Variants in ZFC3H1 observed in about 807,000 individuals in gnomAD.
The protein encoded by ZFC3H1 is zinc finger C3H1 domain-containing protein.
ZFC3H1 carries 71 observed loss-of-function variants against 243.7 expected under a neutral mutation model. That is an observed-to-expected ratio of 0.29 (90% confidence interval 0.24 to 0.36). The LOEUF (loss-of-function observed/expected upper bound fraction) is 0.36, where lower values mean the gene tolerates loss of function less well. Among genes scored for constraint, ZFC3H1 ranks in the 10% least tolerant of loss-of-function variants. The pLI is 1.00. For synonymous variants in ZFC3H1, 838 were observed against 813.0 expected (o/e 1.03, Z -0.52); for missense variants, 1,966 against 2,317.1 (o/e 0.85, Z 3.11).
intron 2 of ZFC3H1, 102 bp from the exon 3 acceptor site, chr12:71,647,915 T>C (rs1290086498): frequency 4.5e-6 from 2 of 442,860 alleles, no homozygotes; most frequent in East Asian, 3.9e-5. Context: ...AAAGAGATCA[T>C]TAAAGGGTCT....
chr12:71,610,485 G>A lies in ZFC3H1; in HGVS notation c.5913C>T (p.Val1971=), dbSNP rs1368444141. ...TTAAATTTAAGAGCTCATTTAGGCT[G>A]ACTCCAATCTCTTGGCACTTGGAAA... is the stretch of plus-strand genomic sequence containing the variant. ...KLVSKCQEIG[V]SLNELLNLNS... The change falls in exon 35 of 35, where the codon GTC becomes GTT. Residue 1971 remains valine (V), a synonymous_variant. Transcript: ENST00000378743. The A allele has an allele frequency of 6.2e-7, 1 of 1,613,472 alleles. No homozygotes were observed. The highest frequency in any genetic ancestry group is 8.5e-7 in the Non-Finnish European group (1 of 1,179,642).
At position 71,632,361 on chromosome 12, in the gene ZFC3H1, C is replaced by T; in HGVS notation, c.2971G>A (p.Ala991Thr). ...GGAGAGATATTTTGTTGTTCCTTTG[C>T]TTTAAGGGCACGGGCTTCTTTTAAT... The part of the protein sequence containing the change: ...QKLKEARALK[A>T]KEQQNISPVV... The change falls in exon 15 of 35, where the codon GCA (alanine) becomes ACA (threonine). Residue 991 changes from alanine to threonine, a missense_variant. Around this residue, in one of 4 missense-constraint regions of ZFC3H1, gnomAD observed 1,383 missense variants for 1,723.7 expected, o/e 0.80. Coordinates refer to ENST00000378743, the MANE Select transcript of ZFC3H1 (RefSeq NM_144982.5). The T allele has an allele frequency of 2.5e-6, 4 of 1,613,650 alleles. No individual in the cohort carries two copies. The highest frequency in any genetic ancestry group is 2.5e-6 in the Non-Finnish European group (3 of 1,179,840).
At position 71,656,944 on chromosome 12, in the gene ZFC3H1, T is replaced by C. The variant is rs1210406062; in HGVS notation, c.956A>G (p.Lys319Arg). 4 of 1,613,836 alleles carry C rather than the reference T, an allele frequency of 2.5e-6. No homozygotes were observed. The highest frequency in any genetic ancestry group is 3.4e-6 in the Non-Finnish European group (4 of 1,179,888). The change falls in exon 2 of 35, where the codon AAA becomes AGA. Residue 319 changes from lysine (K) to arginine (R), a missense_variant. Around this residue, in one of 4 missense-constraint regions of ZFC3H1, gnomAD observed 484 missense variants for 449.7 expected, o/e 1.08. Transcript: ENST00000378743. ...AAGTGGTTTTGCTCCATCTTTAACT[T>C]TTTTCAAACGGTTCTTATCTCCTGG... ...TLPGDKNRLK[K>R]VKDGAKPLSL...
chr12:71,637,984 C>T (rs575349915), intron 7 of ZFC3H1, among the ~76,000 whole-genome samples: 1 of 151,942 alleles, frequency 6.6e-6, no homozygotes, highest in East Asian at 1.9e-4. Context: ...ATAGAAAATG[C>T]TTTTCTTTTG....
At chr12:71,621,141 CTCATT>C (rs528364677) in intron 24 of ZFC3H1, among the ~76,000 whole-genome samples, 1 of 152,234 alleles carries the variant, frequency 6.6e-6, no homozygotes, top group South Asian at 2.1e-4. Flanking sequence ...GCTCTTAAAT[CTCATT>C]TCCTCAGAAA....
Position 71,610,710 on chromosome 12 carries a change from T to C in ZFC3H1, c.5817A>G (p.Ala1939=), listed in dbSNP as rs769012731. ...QRALQKLPLC[A]SLWKDQLLFE... ...AAAGCATTACATCTTTCCACAGTGA[T>C]GCACAAAGAGGTAACTTCTGTAAGG... The change falls in exon 34 of 35, where the codon GCA becomes GCG. Residue 1939 remains alanine, a synonymous_variant. Coordinates refer to ENST00000378743, the MANE Select transcript of ZFC3H1 (RefSeq NM_144982.5). The C allele has an allele frequency of 1.8e-5, 29 of 1,613,254 alleles. No individual in the cohort carries two copies. In the Admixed American group the frequency reaches 4.7e-4, roughly 26 times the overall value.
chr12:71,612,228 TTTTC>T (rs149214504), intron 31 of ZFC3H1, among the ~76,000 whole-genome samples: 8,809 of 152,088 alleles, frequency 0.058, 352 homozygotes, highest in South Asian at 0.087. Flanking sequence ...TTCCTGGTAT[TTTTC>T]TTTCTTAGAG....
rs369273344 is a variant in ZFC3H1, at chr12:71,610,751, G to A, written c.5776C>T (p.Arg1926Cys). ...IVLKGQREVH[R>C]LYQRALQKLP... Reference sequence around the variant, plus strand: ...TTCTGTAAGGCTCTCTGATATAAACGGTGGACCTGTAAGATAGATATACAC... The same window carrying A: ...TTCTGTAAGGCTCTCTGATATAAACAGTGGACCTGTAAGATAGATATACAC... Residue 1926 changes from arginine to cysteine, a missense_variant, in exon 34 of 35, where the codon CGT (arginine) becomes TGT (cysteine). By Grantham distance (180) the Arg-to-Cys change is radical. Around this residue, in one of 4 missense-constraint regions of ZFC3H1, gnomAD observed 1,383 missense variants for 1,723.7 expected, o/e 0.80. Coordinates refer to ENST00000378743, the MANE Select transcript of ZFC3H1 (RefSeq NM_144982.5). 162 of 1,612,626 alleles carry A rather than the reference G, an allele frequency of 1.0e-4. No homozygotes were observed. The highest frequency in any genetic ancestry group is 1.3e-4 in the Non-Finnish European group (152 of 1,179,402).
In ZFC3H1 at chr12:71,615,217, C is replaced by A; in HGVS notation, c.5244G>T (p.Trp1748Cys). 6.2e-7 allele frequency: 1 copy of A among 1,610,330 alleles called. No homozygotes were observed. The change falls in exon 28 of 35, where the codon TGG becomes TGT. Residue 1748 changes from tryptophan (W) to cysteine (C), a missense_variant. This residue lies in a region of ZFC3H1 where 1,383 missense variants were observed against 1,723.7 expected (regional missense o/e 0.80). Coordinates refer to ENST00000378743, the MANE Select transcript of ZFC3H1 (RefSeq NM_144982.5). ...AGTGGATGTCTCACCAGTAAATCAG[C>A]CACAAATAAGGAACTTGGTGGTTAA... ...DMFNHQVPYL[W>C]LIYCLCHPLQ... is the part of the protein sequence containing the mutation.
intron 27 of ZFC3H1, among the ~76,000 whole-genome samples, chr12:71,616,684 G>C (rs1879901926): frequency 6.6e-6 from 1 of 152,104 alleles, no homozygotes; most frequent in African/African-American, 2.4e-5. Context: ...TGACAATCTA[G>C]TATAACTATT....
chr12:71,635,104 G>T (rs970682197), intron 10 of ZFC3H1, among the ~76,000 whole-genome samples: 1 of 152,082 alleles, frequency 6.6e-6, no homozygotes, highest in Non-Finnish European at 1.5e-5. Context: ...GTTGTACTTA[G>T]AGAATACATT....
rs1448893472 is a variant in ZFC3H1, at chr12:71,644,420, T to C, written c.1280-102A>G. The C allele has an allele frequency of 2.4e-6, 3 of 1,247,840 alleles. No homozygotes were observed. In the Admixed American group the frequency reaches 8.2e-5, roughly 34 times the overall value. The allele number at this position is 1,247,840 out of a possible 1,614,324, so 77.3% of individuals were successfully genotyped here. ...ATTATTGATTAATCAGTGATGATGC[T>C]CCTAAGTTGTTTATATAAGATTGTC... On this transcript the variant is annotated intron_variant, in intron 4 of 34. Coordinates refer to ENST00000378743, the MANE Select transcript of ZFC3H1 (RefSeq NM_144982.5).
rs1228413803 is a variant in ZFC3H1, at chr12:71,626,325, C to T, written c.4252G>A (p.Asp1418Asn). The T allele has an allele frequency of 6.2e-7, 1 of 1,613,880 alleles. No individual in the cohort carries two copies. Among genetic ancestry groups the T allele is most frequent in the Non-Finnish European group, 8.5e-7 (1 of 1,180,012 alleles). ...GTTTCACACATTTCCTGCACCTCGT[C>T]CTTGGTTCCTCTTTTTGAGAACAAT... Reference protein sequence around the residue: ...LRLFSKRGTKDEVQEMCETAV... With the variant: ...LRLFSKRGTKNEVQEMCETAV... Residue 1418 changes from aspartate to asparagine, a missense_variant, in exon 22 of 35, where the codon GAC becomes AAC. Physicochemically the swap from Asp to Asn is conservative, Grantham distance 23. Coordinates refer to ENST00000378743, the MANE Select transcript of ZFC3H1 (RefSeq NM_144982.5).
intron 3 of ZFC3H1, among the ~76,000 whole-genome samples, chr12:71,645,880 T>TA (rs1203706892): frequency 6.6e-6 from 1 of 152,226 alleles, no homozygotes; most frequent in African/African-American, 2.4e-5. Context: ...GGTTTTTAAT[T>TA]AGAGTCCATG....
chr12:71,650,263 G>A (rs576258976), intron 2 of ZFC3H1, among the ~76,000 whole-genome samples: 3 of 152,170 alleles, frequency 2.0e-5, no homozygotes, highest in South Asian at 2.1e-4. Flanking sequence ...GCAACAGAGC[G>A]AGTCCGTCTC....
chr12:71,629,962 A>G (rs927740445), intron 18 of ZFC3H1, among the ~76,000 whole-genome samples: 2 of 152,188 alleles, frequency 1.3e-5, no homozygotes, highest in Non-Finnish European at 2.9e-5. Context: ...AATTAAGTTA[A>G]AGTCCCAAAT....
chr12:71,648,437 TACAG>T, intron 2 of ZFC3H1, among the ~76,000 whole-genome samples: 1 of 152,234 alleles, frequency 6.6e-6, no homozygotes, highest in Non-Finnish European at 1.5e-5. Flanking sequence ...ATGATAAAGT[TACAG>T]AATATCTACA....
intron 1 of ZFC3H1, among the ~76,000 whole-genome samples, chr12:71,658,114 G>A (rs1881067577): frequency 6.6e-6 from 1 of 151,906 alleles, no homozygotes; most frequent in Non-Finnish European, 1.5e-5. Flanking sequence ...CTCTAACACA[G>A]TGATACACAA....
chr12:71,626,933 T>C (rs1245347897), intron 21 of ZFC3H1, among the ~76,000 whole-genome samples: 4 of 152,222 alleles, frequency 2.6e-5, no homozygotes, highest in Non-Finnish European at 4.4e-5. Flanking sequence ...CATAAAATAA[T>C]GTATGGTTCT....
Sources: allele counts gnomAD v4.1 joint callset (sites outside exome capture counted in the v4.1 genomes callset), GRCh38; gene constraint gnomAD v4.1.1; regional missense constraint gnomAD v4.1.1; transcripts MANE v1.5; gene names NCBI Gene and HGNC (gene_info 2026-07-23, HGNC 2026-07-21).